The following MYH15 variants were observed in gnomAD, a reference collection of about 807,000 sequenced individuals.
MYH15 encodes myosin heavy chain 15, also known as myosin-15.
A neutral mutation model predicts 240.5 loss-of-function variants in MYH15; 227 were observed. The ratio of observed to expected loss-of-function variants is 0.94; its 90% CI spans 0.85 to 1.05. The LOEUF (loss-of-function observed/expected upper bound fraction) is 1.05, where lower values mean the gene tolerates loss of function less well. Ranked by LOEUF, MYH15 falls within the 50% of genes least tolerant of loss-of-function variation. The pLI, the probability that MYH15 is intolerant of heterozygous loss-of-function variation, is 0.00. For missense variants in MYH15, 2,217 were observed against 2,247.5 expected (o/e 0.99, Z 0.27); for synonymous variants, 785 against 796.7 (o/e 0.99, Z 0.25).
At chr3:108,453,272 T>C (rs1195937361) in intron 21 of MYH15, among the ~76,000 whole-genome samples, 1 of 152,180 alleles carries the variant, frequency 6.6e-6, no homozygotes, top group Admixed American at 6.6e-5. Flanking sequence ...ATCTCTCTAA[T>C]ATCTTTGACA....
intron 10 of MYH15, among the ~76,000 whole-genome samples, chr3:108,485,741 G>A (rs908823427): frequency 2.0e-4 from 30 of 152,090 alleles, no homozygotes; most frequent in African/African-American, 7.2e-4. Context: ...CACCCCAGGA[G>A]GGAAAAAATT....
chr3:108,459,560 A>G, intron 17 of MYH15, 111 bp from the exon 18 acceptor site: 1 of 577,948 alleles, frequency 1.7e-6, no homozygotes, highest in South Asian at 2.5e-5. Context: ...GCCAAGATGT[A>G]TTCTAACAGT....
chr3:108,439,789 T>C lies in MYH15; in HGVS notation c.3023A>G (p.Lys1008Arg). 1 of 1,612,766 alleles carries C rather than the reference T, an allele frequency of 6.2e-7. No individual in the cohort carries two copies. Among genetic ancestry groups the C allele is most frequent in the Non-Finnish European group, 8.5e-7 (1 of 1,179,482 alleles). The change falls in exon 24 of 41, where the codon AAG becomes AGG. Residue 1008 changes from lysine to arginine, a missense_variant. Transcript: ENST00000693548. ...TLDDLHMEEE[K>R]LSSLSKANLK... ...ATTTGCTTTGCTCAGGCTGCTGAGC[T>C]TCTCCTCCTCCATGTGCAGGTCATC... is the stretch of plus-strand genomic sequence containing the variant.
At chr3:108,471,238 C>G (rs970218356) in intron 12 of MYH15, among the ~76,000 whole-genome samples, 3 of 152,078 alleles carry the variant, frequency 2.0e-5, no homozygotes, top group African/African-American at 7.2e-5. Context: ...TATTAAAGGA[C>G]TAACTATCCC....
At position 108,414,517 on chromosome 3, in the gene MYH15, T is replaced by C. The variant is rs2082619539; in HGVS notation, c.3949-89A>G. The C allele has an allele frequency of 7.6e-6, 9 of 1,184,512 alleles. No individual in the cohort carries two copies. In the South Asian group the frequency reaches 1.1e-4, roughly 15 times the overall value. 73.4% of individuals were successfully genotyped at this position (1,184,512 alleles called of 1,614,324 possible). A position where few individuals can be genotyped will look rare whatever the true frequency, so the allele number is the denominator to read the frequency against. ...AAGCTAATTTTTTTTTTAGGTAAGA[T>C]TAATAACAACCTGCCACAAATTCAA... On this transcript the variant is annotated intron_variant, in intron 29 of 40. Transcript: ENST00000693548.
Position 108,501,749 on chromosome 3 carries a change from T to G in MYH15, c.302A>C (p.His101Pro), listed in dbSNP as rs2083440199. The G allele has an allele frequency of 2.5e-6, 4 of 1,614,130 alleles. No individual in the cohort carries two copies. The highest frequency in any genetic ancestry group is 2.5e-6 in the Non-Finnish European group (3 of 1,179,980). The change falls in exon 3 of 41, where the codon CAT (histidine) becomes CCT (proline). Residue 101 changes from histidine (H) to proline (P), a missense_variant. His to Pro is a moderately conservative substitution (Grantham distance 77). Coordinates refer to ENST00000693548, the MANE Select transcript of MYH15 (RefSeq NM_014981.3). Reference sequence around the variant, plus strand: ...CTGGCCATAGCGCCGCTTCAGGGTATGCAGCACGGATGCCTCATTGAGGTG... The same window carrying G: ...CTGGCCATAGCGCCGCTTCAGGGTAGGCAGCACGGATGCCTCATTGAGGTG... ...LTHLNEASVL[H>P]TLKRRYGQWM...
Position 108,510,360 on chromosome 3 carries a change from G to A in MYH15, c.88+83C>T, listed in dbSNP as rs991692510. 4.0e-5 allele frequency: 60 copies of A among 1,513,178 alleles called. 1 individual carries two copies. Among genetic ancestry groups the A allele is most frequent in the Non-Finnish European group, 5.1e-5 (58 of 1,127,364 alleles). 93.7% of individuals were successfully genotyped at this position (1,513,178 alleles called of 1,614,324 possible). On this transcript the variant is annotated intron_variant, in intron 1 of 40. Transcript: ENST00000693548. ...AATAAGTTAGGCTCTAGAACTGATG[G>A]CTCTTCTCTGTCAATCAAATATCTT...
chr3:108,500,830 T>C (rs1378186521), intron 3 of MYH15, among the ~76,000 whole-genome samples: 1 of 152,178 alleles, frequency 6.6e-6, no homozygotes, highest in East Asian at 1.9e-4. Flanking sequence ...GGGTCTTGAA[T>C]CCAATAACTT....
intron 1 of MYH15, among the ~76,000 whole-genome samples, chr3:108,526,072 C>G (rs2083667925): frequency 1.3e-5 from 2 of 152,024 alleles, no homozygotes; most frequent in Non-Finnish European, 2.9e-5. Flanking sequence ...TGAAAACTCC[C>G]AGGTCTGTCA....
In MYH15 at chr3:108,439,779, G is replaced by A; in HGVS notation, c.3033C>T (p.Ser1011=). 1 of 1,611,384 alleles carries A rather than the reference G, an allele frequency of 6.2e-7. No homozygotes were observed. The highest frequency in any genetic ancestry group is 8.5e-7 in the Non-Finnish European group (1 of 1,178,950). The change falls in exon 24 of 41, where the codon AGC becomes AGT. Residue 1011 remains serine, a synonymous_variant. Coordinates refer to ENST00000693548, the MANE Select transcript of MYH15 (RefSeq NM_014981.3). ...CCAGCTTCAGATTTGCTTTGCTCAG[G>A]CTGCTGAGCTTCTCCTCCTCCATGT... is the stretch of plus-strand genomic sequence containing the variant. ...DLHMEEEKLS[S]LSKANLKLEQ...
chr3:108,410,592 T>A lies in MYH15; in HGVS notation c.4486A>T (p.Asn1496Tyr), dbSNP rs751338053. 14 of 1,590,220 alleles carry A rather than the reference T, an allele frequency of 8.8e-6. No individual in the cohort carries two copies. Among genetic ancestry groups the A allele is most frequent in the Non-Finnish European group, 1.2e-5 (14 of 1,162,346 alleles). Reference protein sequence around the residue: ...GQETLRRENKNLQEEISNLTN... With the variant: ...GQETLRRENKYLQEEISNLTN... ...GCCCAGCTCGGTGTACCTTGGAGGT[T>A]CTTGTTCTCCCTCCTGAGTGTCTCC... The change falls in exon 31 of 41, where the codon AAC (asparagine) becomes TAC (tyrosine). Residue 1496 changes from asparagine (N) to tyrosine (Y), a missense_variant. Asn to Tyr is a moderately radical substitution (Grantham distance 143, BLOSUM62 -2). Transcript: ENST00000693548.
chr3:108,540,372 G>A, the MYH15 span, among the ~76,000 whole-genome samples: 77 of 152,264 alleles, frequency 5.1e-4, no homozygotes, highest in African/African-American at 1.8e-3. Flanking sequence ...GATGATGGCT[G>A]CTCTATGAGC....
chr3:108,397,950 G>A (rs2082474298), intron 35 of MYH15, among the ~76,000 whole-genome samples: 1 of 152,066 alleles, frequency 6.6e-6, no homozygotes, highest in Non-Finnish European at 1.5e-5. Context: ...CCATTCTTCT[G>A]GCATAAGGCT....
intron 6 of MYH15, among the ~76,000 whole-genome samples, chr3:108,496,965 T>A (rs1036945247): frequency 6.6e-6 from 1 of 151,206 alleles, no homozygotes; most frequent in Non-Finnish European, 1.5e-5. Context: ...ATCGAGACCA[T>A]CCTGGCTAAC....
chr3:108,536,499 A>G, the MYH15 span, among the ~76,000 whole-genome samples: 2 of 152,252 alleles, frequency 1.3e-5, no homozygotes, highest in African/African-American at 4.8e-5. Flanking sequence ...CTCACACTGT[A>G]AAGTTTATAG....
intron 11 of MYH15, among the ~76,000 whole-genome samples, chr3:108,481,194 G>A (rs978951476): frequency 2.0e-5 from 3 of 152,150 alleles, no homozygotes; most frequent in Admixed American, 2.0e-4. Context: ...GAAACAACAT[G>A]AATATGATCA....
chr3:108,457,519 C>A (rs1245184994), intron 18 of MYH15, among the ~76,000 whole-genome samples: 1 of 151,982 alleles, frequency 6.6e-6, no homozygotes, highest in African/African-American at 2.4e-5. Context: ...CCAATAGAAG[C>A]CTTTGAAAAA....
chr3:108,493,107 T>C lies in MYH15; in HGVS notation c.775+7A>G. 1.2e-6 allele frequency: 2 copies of C among 1,612,928 alleles called. No individual in the cohort carries two copies. Among genetic ancestry groups the C allele is most frequent in the South Asian group, 1.1e-5 (1 of 91,048 alleles). On this transcript the variant is annotated splice_region_variant and intron_variant, in intron 8 of 40. Transcript: ENST00000693548. ...AAAAGTAATCAGACAGTGCAATGAC[T>C]ACTTACAGATATCAATGTCCACAGA... is the stretch of plus-strand genomic sequence containing the variant.
intron 2 of MYH15, 94 bp from the exon 3 acceptor site, chr3:108,501,949 A>G (rs1193401379): frequency 3.6e-5 from 49 of 1,351,276 alleles, no homozygotes; most frequent in Admixed American, 2.0e-4. Flanking sequence ...ACTCAAAAAG[A>G]AAAAATGATG....
Sources: gnomAD v4.1 joint callset for allele counts (sites outside exome capture counted in the v4.1 genomes callset) on GRCh38, gnomAD v4.1.1 for gene constraint, MANE v1.5 for transcripts, NCBI Gene and HGNC (gene_info 2026-07-23, HGNC 2026-07-21) for gene names.